The following TAOK3 variants were observed in gnomAD, a reference collection of about 807,000 sequenced individuals.
TAOK3 encodes the protein serine/threonine-protein kinase TAO3.
TAOK3 carries 40 observed loss-of-function variants against 120.4 expected under a neutral mutation model. That is an observed-to-expected ratio of 0.33 (90% CI 0.26 to 0.43). TAOK3 has a LOEUF of 0.43. Among genes scored for constraint, TAOK3 ranks in the 20% least tolerant of loss-of-function variants. TAOK3 has a pLI of 1.00. For missense variants in TAOK3, 821 were observed against 1,112.1 expected (o/e 0.74, Z 3.72); for synonymous variants, 355 against 387.5 (o/e 0.92, Z 0.99).
At position 118,199,276 on chromosome 12, in the gene TAOK3, G is replaced by C. The variant is rs1254500307; in HGVS notation, c.988-19C>G. 1.3e-6 allele frequency: 2 copies of C among 1,584,048 alleles called. No individual in the cohort carries two copies. Among genetic ancestry groups the C allele is most frequent in the South Asian group, 1.1e-5 (1 of 90,394 alleles). On this transcript the variant is annotated intron_variant, in intron 12 of 20. Transcript: ENST00000392533. ...CACTGTCCTGTAAAAATGGGGCACT[G>C]AGGTTAGAAAAAAAGACTGAAGATA... is the stretch of plus-strand genomic sequence containing the variant.
At chr12:118,255,809 G>A (rs796112141) in intron 2 of TAOK3, 154 bp from the exon 3 acceptor site, 26 of 324,116 alleles carry the variant, frequency 8.0e-5, no homozygotes, top group African/African-American at 3.5e-4. Flanking sequence ...ATGGCCGGGC[G>A]CGGTGGCTCA....
chr12:118,352,025 CA>C (rs2045189691), intron 1 of TAOK3, among the ~76,000 whole-genome samples: 1 of 151,676 alleles, frequency 6.6e-6, no homozygotes, highest in African/African-American at 2.4e-5. Flanking sequence ...AGGCACCCGC[CA>C]CCGCGCCTGG....
intron 4 of TAOK3, 50 bp downstream of exon 4, chr12:118,244,844 C>A (rs199584747): frequency 8.1e-5 from 116 of 1,431,778 alleles, no homozygotes; most frequent in Non-Finnish European, 1.1e-4. Flanking sequence ...TTGTTAATTT[C>A]ATACTAACTT....
intron 14 of TAOK3, among the ~76,000 whole-genome samples, chr12:118,188,299 C>T (rs946412716): frequency 6.6e-6 from 1 of 152,192 alleles, no homozygotes; most frequent in African/African-American, 2.4e-5. Flanking sequence ...CTTCTTTTGT[C>T]AGATATCATG....
intron 3 of TAOK3, among the ~76,000 whole-genome samples, chr12:118,251,880 G>C (rs1205877217): frequency 6.6e-6 from 1 of 150,996 alleles, no homozygotes; most frequent in Non-Finnish European, 1.5e-5. Context: ...GGAGTGCAGT[G>C]GCACAATCTC....
rs1226261124 is a variant in TAOK3 at position 118,199,092 on chromosome 12, C to T, written c.1153G>A (p.Glu385Lys). The change falls in exon 13 of 21, where the codon GAA (glutamate) becomes AAA (lysine). Residue 385 changes from glutamate (E) to lysine (K), a missense_variant. Glu to Lys is a moderately conservative substitution (Grantham distance 56, BLOSUM62 1). Transcript: ENST00000392533. ...SSELVMMHDD[E>K]STINSSSSVV... Reference sequence around the variant, plus strand: ...GAGGAGCTGGAATTGATTGTGCTTTCGTCATCGTGCATCATGACAAGTTCG... The same window carrying T: ...GAGGAGCTGGAATTGATTGTGCTTTTGTCATCGTGCATCATGACAAGTTCG... 1.9e-6 allele frequency: 3 copies of T among 1,614,162 alleles called. No individual in the cohort carries two copies. The highest frequency in any genetic ancestry group is 1.7e-5 in the Admixed American group (1 of 60,016).
chr12:118,330,873 A>G (rs1398579704), intron 1 of TAOK3, among the ~76,000 whole-genome samples: 1 of 152,096 alleles, frequency 6.6e-6, no homozygotes, highest in African/African-American at 2.4e-5. Context: ...TATGAGGTTC[A>G]TAAGTCTGAA....
At position 118,308,601 on chromosome 12, in the gene TAOK3, A is replaced by G. The variant is rs540038183; in HGVS notation, c.-193-41842T>C. On this transcript the variant is annotated intron_variant, in intron 1 of 20. Coordinates refer to ENST00000392533, the MANE Select transcript of TAOK3 (RefSeq NM_016281.4). ...TTCTACCTGGCAAGGGTGCTGCCCA[A>G]AAATGGTCTTGGGAGAATGTAGACG... 1.2e-4 allele frequency among the ~76,000 whole-genome samples: 18 copies of G among 152,222 alleles called. No individual in the cohort carries two copies. In the South Asian group the frequency reaches 3.7e-3, roughly 32 times the overall value.
rs372181961 is a variant in TAOK3, at chr12:118,172,495, T to C, written c.1861A>G (p.Ile621Val). The stretch of plus-strand genomic sequence containing the variant: ...TGCTGCTCCACCTCGTGCCGCTTGA[T>C]CATTATTTTCCGCTTGAAGAAACGA... ...NCRFFKRKIM[I>V]KRHEVEQQNI... Residue 621 changes from isoleucine to valine, a missense_variant, in exon 17 of 21, where the codon ATC (isoleucine) becomes GTC (valine). By Grantham distance (29) the Ile-to-Val change is conservative. Coordinates refer to ENST00000392533, the MANE Select transcript of TAOK3 (RefSeq NM_016281.4). 2 of 1,614,048 alleles carry C rather than the reference T, an allele frequency of 1.2e-6. No individual in the cohort carries two copies. Among genetic ancestry groups the C allele is most frequent in the African/African-American group, 2.7e-5 (2 of 74,918 alleles).
chr12:118,216,016 A>G (rs1402854000), intron 9 of TAOK3, among the ~76,000 whole-genome samples: 6 of 152,134 alleles, frequency 3.9e-5, no homozygotes, highest in African/African-American at 1.4e-4. Flanking sequence ...CCTGGGCAAC[A>G]TGGTGAAAAT....
At chr12:118,351,191 T>TA (rs922091042) in intron 1 of TAOK3, among the ~76,000 whole-genome samples, 77 of 151,200 alleles carry the variant, frequency 5.1e-4, no homozygotes, top group Middle Eastern at 3.4e-3. Context: ...GAAAATAAAT[T>TA]AAAAAAAAAT....
chr12:118,350,592 C>T (rs1263180244), intron 1 of TAOK3, among the ~76,000 whole-genome samples: 1 of 152,104 alleles, frequency 6.6e-6, no homozygotes, highest in Non-Finnish European at 1.5e-5. Flanking sequence ...GGCATGGTGA[C>T]TCACGCCTGT....
At chr12:118,338,461 G>T (rs2044456311) in intron 1 of TAOK3, among the ~76,000 whole-genome samples, 1 of 152,102 alleles carries the variant, frequency 6.6e-6, no homozygotes. Flanking sequence ...ACCACCAAAT[G>T]GTTACAATAC....
intron 4 of TAOK3, among the ~76,000 whole-genome samples, chr12:118,244,662 G>A (rs1299016089): frequency 2.0e-5 from 3 of 151,174 alleles, no homozygotes; most frequent in African/African-American, 7.3e-5. Context: ...CTGAGTAGCT[G>A]GGACTACAGG....
chr12:118,328,057 C>CT (rs199805678), intron 1 of TAOK3, among the ~76,000 whole-genome samples: 10,459 of 143,988 alleles, frequency 0.073, 550 homozygotes, highest in East Asian at 0.25. Context: ...TCAACAGGTA[C>CT]TTTTTTTTTT....
chr12:118,370,288 T>G (rs1438323104), intron 1 of TAOK3, among the ~76,000 whole-genome samples: 3 of 152,210 alleles, frequency 2.0e-5, no homozygotes, highest in African/African-American at 7.2e-5. Flanking sequence ...CTCCTCTACT[T>G]ATTATTACCC....
chr12:118,193,456 G>A (rs2037543443), intron 13 of TAOK3, among the ~76,000 whole-genome samples: 1 of 152,194 alleles, frequency 6.6e-6, no homozygotes, highest in South Asian at 2.1e-4. Flanking sequence ...CTATACAAGA[G>A]TGAAACATGT....
intron 3 of TAOK3, chr12:118,246,760 C>G: frequency 6.4e-7 from 1 of 1,551,850 alleles, no homozygotes; most frequent in Admixed American, 1.7e-5. Flanking sequence ...TACACCTCAG[C>G]CCGGGGCTGC....
In TAOK3 at chr12:118,181,367, T is replaced by G. The variant is rs2036713158; in HGVS notation, c.1566+4A>C. The G allele has an allele frequency of 6.2e-7, 1 of 1,612,126 alleles. No individual in the cohort carries two copies. Among genetic ancestry groups the G allele is most frequent in the Non-Finnish European group, 8.5e-7 (1 of 1,178,606 alleles). On this transcript the variant is annotated splice_donor_region_variant and intron_variant, in intron 15 of 20. Coordinates refer to ENST00000392533, the MANE Select transcript of TAOK3 (RefSeq NM_016281.4). ...GGCATGAAGGCGTGTGTGCACATAC[T>G]GACCTCCTTTTCTATGATAGCCACT...
Sources: gnomAD v4.1 joint callset for allele counts (sites outside exome capture counted in the v4.1 genomes callset) on GRCh38, gnomAD v4.1.1 for gene constraint, MANE v1.5 for transcripts, NCBI Gene and HGNC (gene_info 2026-07-23, HGNC 2026-07-21) for gene names.